MYO1D: variants seen among roughly 807,000 people sequenced by gnomAD.
MYO1D encodes the protein myosin ID.
In MYO1D, 83 loss-of-function variants were observed where a neutral mutation model predicts 122.0. The ratio of observed to expected loss-of-function variants is 0.68; its 90% CI spans 0.57 to 0.82. The LOEUF (loss-of-function observed/expected upper bound fraction) is 0.82. MYO1D is among the 40% of genes least tolerant of loss of function. The pLI, the probability that MYO1D is intolerant of heterozygous loss-of-function variation, is 0.00. For synonymous variants in MYO1D, 464 were observed against 446.9 expected, an observed-to-expected ratio of 1.04 and a Z score of -0.48; for missense variants, 1,157 against 1,269.5, an observed-to-expected ratio of 0.91 and a Z score of 1.35.
intron 1 of MYO1D, among the ~76,000 whole-genome samples, chr17:32,844,610 T>C (rs2090918440): frequency 6.6e-6 from 1 of 151,696 alleles, no homozygotes; most frequent in Non-Finnish European, 1.5e-5. Flanking sequence ...GTTGTCCCAG[T>C]TACTACAGAG....
At chr17:32,792,562 A>C (rs776675248) in intron 1 of MYO1D, 1 of 152,208 alleles carries the variant, frequency 6.6e-6, no homozygotes, top group Non-Finnish European at 1.5e-5. Context: ...GGAGTCAATT[A>C]GTTTTATCCC....
chr17:32,620,177 C>T (rs2087836544), intron 20 of MYO1D, among the ~76,000 whole-genome samples: 1 of 152,158 alleles, frequency 6.6e-6, no homozygotes, highest in Admixed American at 6.5e-5. Context: ...TCTGCTTCCA[C>T]TGACATACTG....
intron 21 of MYO1D, among the ~76,000 whole-genome samples, chr17:32,551,556 C>CCA (rs56031542): frequency 0.021 from 3,103 of 150,430 alleles, 71 homozygotes; most frequent in African/African-American, 0.057. Flanking sequence ...CATCCCACTG[C>CCA]CACACACACA....
intron 21 of MYO1D, chr17:32,529,550 G>C (rs1369924857): frequency 6.5e-6 from 1 of 152,800 alleles, no homozygotes; most frequent in East Asian, 1.9e-4. Flanking sequence ...TCTAATGCAG[G>C]GGCAATGAGC....
intron 1 of MYO1D, among the ~76,000 whole-genome samples, chr17:32,821,038 C>T (rs1404496043): frequency 6.6e-6 from 1 of 152,124 alleles, no homozygotes; most frequent in Non-Finnish European, 1.5e-5. Context: ...CACCTTCCAC[C>T]CGCTGATAGG....
chr17:32,575,239 C>T (rs1407048911), intron 21 of MYO1D, among the ~76,000 whole-genome samples: 7 of 152,162 alleles, frequency 4.6e-5, no homozygotes, highest in African/African-American at 1.7e-4. Flanking sequence ...TTTGGCCCAG[C>T]CAAACGTTCT....
chr17:32,767,081 T>C (rs1313853465), intron 7 of MYO1D, among the ~76,000 whole-genome samples: 3 of 152,202 alleles, frequency 2.0e-5, no homozygotes, highest in Non-Finnish European at 4.4e-5. Flanking sequence ...TCAGTGTATT[T>C]TAAGTATCTC....
At chr17:32,782,086 C>T (rs1023442546) in intron 1 of MYO1D, among the ~76,000 whole-genome samples, 1 of 152,202 alleles carries the variant, frequency 6.6e-6, no homozygotes, top group Admixed American at 6.5e-5. Context: ...GGAGAAATAA[C>T]TAAGCATTTG....
At chr17:32,830,592 T>C (rs768764658) in intron 1 of MYO1D, among the ~76,000 whole-genome samples, 1 of 152,220 alleles carries the variant, frequency 6.6e-6, no homozygotes, top group Non-Finnish European at 1.5e-5. Context: ...CTCAGTGGTA[T>C]GAACCCATTT....
chr17:32,651,334 CG>C (rs1384808259), intron 19 of MYO1D, among the ~76,000 whole-genome samples: 2 of 152,166 alleles, frequency 1.3e-5, no homozygotes, highest in Non-Finnish European at 2.9e-5. Flanking sequence ...AGTACTCAGA[CG>C]AACAGTCAAA....
intron 11 of MYO1D, among the ~76,000 whole-genome samples, chr17:32,752,173 G>C (rs2089905348): frequency 6.6e-6 from 1 of 152,230 alleles, no homozygotes; most frequent in South Asian, 2.1e-4. Context: ...AATAAACAAT[G>C]GAGAAAGCAT....
intron 13 of MYO1D, among the ~76,000 whole-genome samples, chr17:32,743,610 ATTG>A (rs1473914040): frequency 1.3e-5 from 2 of 148,230 alleles, no homozygotes; most frequent in African/African-American, 5.0e-5. Flanking sequence ...TATTATTATT[ATTG>A]TTATTATTAT....
At chr17:32,687,588 C>T (rs2089036481) in intron 16 of MYO1D, among the ~76,000 whole-genome samples, 1 of 152,116 alleles carries the variant, frequency 6.6e-6, no homozygotes, top group Admixed American at 6.5e-5. Flanking sequence ...AGCAATCTTC[C>T]TGCTTCAGTC....
chr17:32,630,011 G>A (rs995808092), intron 20 of MYO1D, among the ~76,000 whole-genome samples: 12 of 152,212 alleles, frequency 7.9e-5, no homozygotes, highest in Admixed American at 3.9e-4. Context: ...AAAGATAAGC[G>A]ATGGGGGAAG....
chr17:32,516,034 T>G (rs142022141), intron 21 of MYO1D, among the ~76,000 whole-genome samples: 2 of 152,224 alleles, frequency 1.3e-5, no homozygotes, highest in Non-Finnish European at 2.9e-5. Context: ...GGCCTTTCTA[T>G]CAATATGTTC....
intron 20 of MYO1D, chr17:32,632,578 TATATATATACACACACAC>T (rs1378545660): frequency 5.6e-5 from 6 of 106,612 alleles, no homozygotes; most frequent in African/African-American, 2.2e-4. Flanking sequence ...TATATATATA[TATATATATACACACACAC>T]ACACACACAC....
intron 16 of MYO1D, among the ~76,000 whole-genome samples, chr17:32,691,515 T>C (rs2089100705): frequency 6.6e-6 from 1 of 150,978 alleles, no homozygotes; most frequent in African/African-American, 2.4e-5. Flanking sequence ...CAAGCGATTC[T>C]CCTGCCTCAG....
At position 32,877,091 on chromosome 17, in the gene MYO1D, T is replaced by G; in HGVS notation, c.-219A>C. The G allele has an allele frequency of 4.9e-6, 1 of 203,428 alleles. No homozygotes were observed. The highest frequency in any genetic ancestry group is 9.7e-6 in the Non-Finnish European group (1 of 102,628). The allele number at this position is 203,428 out of a possible 1,614,324, so 12.6% of individuals were successfully genotyped here. A position where few individuals can be genotyped will look rare whatever the true frequency, so the allele number is the denominator to read the frequency against. Reference sequence around the variant, plus strand: ...CTCCGAACGGGACGCACCCGACAGTTTCCGCTCCTCCCGCCGCGGCTGCCG... The same window carrying G: ...CTCCGAACGGGACGCACCCGACAGTGTCCGCTCCTCCCGCCGCGGCTGCCG... On this transcript the variant is annotated 5_prime_UTR_variant, in exon 1 of 22. Coordinates refer to ENST00000318217, the MANE Select transcript of MYO1D (RefSeq NM_015194.3).
At chr17:32,711,851 A>G in intron 16 of MYO1D, 137 bp downstream of exon 16, 2 of 727,240 alleles carry the variant, frequency 2.8e-6, no homozygotes, top group Admixed American at 6.5e-5. Context: ...TGAAGGCAAC[A>G]GAAAACATTT....
Sources: gnomAD v4.1 joint callset for allele counts (sites outside exome capture counted in the v4.1 genomes callset) on GRCh38, gnomAD v4.1.1 for gene constraint, MANE v1.5 for transcripts, NCBI Gene and HGNC (gene_info 2026-07-23, HGNC 2026-07-21) for gene names.